TNS3: variants seen among roughly 807,000 people sequenced by gnomAD.
The protein encoded by TNS3 is tensin 3.
TNS3 carries 45 observed loss-of-function variants against 140.9 expected under a neutral mutation model. The ratio of observed to expected loss-of-function variants is 0.32; its 90% CI spans 0.25 to 0.41. The LOEUF is 0.41. TNS3 is among the 10% of genes least tolerant of loss of function. The pLI is 1.00. For missense variants in TNS3, 1,716 were observed against 1,906.7 expected (o/e 0.90, Z 1.86); for synonymous variants, 815 against 788.4 (o/e 1.03, Z -0.56).
intron 20 of TNS3, among the ~76,000 whole-genome samples, chr7:47,340,117 T>A (rs7786919): frequency 5.6e-3 from 143 of 25,568 alleles, no homozygotes; most frequent in South Asian, 8.9e-3. Context: ...ATATATATAT[T>A]TTTTTTTTTT....
At chr7:47,483,779 C>T (rs1797512473) in intron 3 of TNS3, among the ~76,000 whole-genome samples, 1 of 152,236 alleles carries the variant, frequency 6.6e-6, no homozygotes, top group Non-Finnish European at 1.5e-5. Flanking sequence ...CGAGTCCCAT[C>T]TCACCCCAGA....
At chr7:47,399,207 C>A (rs1793013027) in intron 15 of TNS3, among the ~76,000 whole-genome samples, 1 of 151,880 alleles carries the variant, frequency 6.6e-6, no homozygotes, top group East Asian at 1.9e-4. Flanking sequence ...ACATCCCATG[C>A]TCATGGATTG....
intron 16 of TNS3, among the ~76,000 whole-genome samples, chr7:47,376,712 A>G (rs1791404827): frequency 1.3e-5 from 1 of 79,254 alleles, no homozygotes; most frequent in African/African-American, 3.7e-5. Flanking sequence ...TCACAGATCA[A>G]CTATCTAGAT....
chr7:47,494,968 A>C (rs567291137), intron 3 of TNS3, among the ~76,000 whole-genome samples: 1 of 152,268 alleles, frequency 6.6e-6, no homozygotes, highest in Non-Finnish European at 1.5e-5. Context: ...GCTGAAAAAA[A>C]GAAGAAATGG....
chr7:47,546,685 G>T (rs1275690789), intron 1 of TNS3, among the ~76,000 whole-genome samples: 2 of 152,144 alleles, frequency 1.3e-5, no homozygotes, highest in Non-Finnish European at 2.9e-5. Context: ...GAAAAAGGCA[G>T]TTCAAGTCCC....
intron 6 of TNS3, among the ~76,000 whole-genome samples, chr7:47,437,799 A>C (rs1795261267): frequency 7.6e-6 from 1 of 131,012 alleles, no homozygotes; most frequent in Admixed American, 7.8e-5. Context: ...TAAAATATAT[A>C]ATATAAAATA....
rs553418328 is a variant in TNS3 at position 47,344,395 on chromosome 7, C to T, written c.2650+360G>A. Among the ~76,000 whole-genome samples, 5 of 152,114 alleles carry T rather than the reference C, an allele frequency of 3.3e-5. No individual in the cohort carries two copies. In the South Asian group the frequency reaches 1.0e-3, roughly 32 times the overall value. ...GGCAGCTGGGGTGGCAGAGCTGGGG[C>T]GCCCGTGCGGCACAATCCCCACAGA... On this transcript the variant is annotated intron_variant, in intron 20 of 30. Coordinates refer to ENST00000311160, the MANE Select transcript of TNS3 (RefSeq NM_022748.12).
At chr7:47,534,801 A>C (rs1410400111) in intron 1 of TNS3, among the ~76,000 whole-genome samples, 1 of 152,192 alleles carries the variant, frequency 6.6e-6, no homozygotes, top group Non-Finnish European at 1.5e-5. Context: ...GATGCTGCTA[A>C]TTATGCAGTT....
At chr7:47,540,893 GC>G (rs1279781670) in intron 1 of TNS3, among the ~76,000 whole-genome samples, 1 of 152,140 alleles carries the variant, frequency 6.6e-6, no homozygotes, top group Non-Finnish European at 1.5e-5. Flanking sequence ...AAGGAAGGAG[GC>G]CCCAGTACCG....
rs116928833 is a variant in TNS3, at chr7:47,504,778, T to C, written c.-115+2129A>G. 3.9e-5 allele frequency among the ~76,000 whole-genome samples: 6 copies of C among 152,262 alleles called. No individual in the cohort carries two copies. In the East Asian group the frequency reaches 9.7e-4, roughly 25 times the overall value. On this transcript the variant is annotated intron_variant, in intron 3 of 30. Transcript: ENST00000311160. Reference sequence around the variant, plus strand: ...ATCCCCAACAACGACGGCATTATATTTTTGGAATGAGAAGGTGCTTTGTTA... The same window carrying C: ...ATCCCCAACAACGACGGCATTATATCTTTGGAATGAGAAGGTGCTTTGTTA...
In TNS3 at chr7:47,324,092, T is replaced by C. The variant is rs190343982; in HGVS notation, c.2651-19089A>G. Among the ~76,000 whole-genome samples the C allele has an allele frequency of 2.6e-3, 402 of 152,348 alleles. 1 individual carries two copies. Among genetic ancestry groups the C allele is most frequent in the African/African-American group, 8.9e-3 (371 of 41,582 alleles). On this transcript the variant is annotated intron_variant, in intron 20 of 30. Coordinates refer to ENST00000311160, the MANE Select transcript of TNS3 (RefSeq NM_022748.12). ...AGCTCTATTTATGAGGCAGCTCCTC[T>C]TTCCCCTCCTGACCTGGCTGCCTGT...
At chr7:47,301,976 C>T (rs1786426572) in intron 23 of TNS3, among the ~76,000 whole-genome samples, 1 of 152,242 alleles carries the variant, frequency 6.6e-6, no homozygotes, top group Non-Finnish European at 1.5e-5. Flanking sequence ...TCACCAACTC[C>T]CTCATTAGTA....
At chr7:47,362,093 G>A (rs992648743) in intron 17 of TNS3, among the ~76,000 whole-genome samples, 3 of 152,128 alleles carry the variant, frequency 2.0e-5, no homozygotes, top group Admixed American at 2.0e-4. Context: ...AGAGTGGGGC[G>A]GGGACAATGA....
intron 4 of TNS3, among the ~76,000 whole-genome samples, chr7:47,478,875 A>G (rs1361030305): frequency 6.6e-6 from 1 of 152,062 alleles, no homozygotes; most frequent in South Asian, 2.1e-4. Context: ...ATCCATATAC[A>G]TGTAACAACT....
At chr7:47,406,293 G>A (rs957103671) in intron 13 of TNS3, among the ~76,000 whole-genome samples, 8 of 152,174 alleles carry the variant, frequency 5.3e-5, no homozygotes, top group African/African-American at 1.4e-4. Flanking sequence ...GTGGGTCAAG[G>A]TCAGCTTTGC....
chr7:47,405,593 G>T, intron 13 of TNS3: 1 of 702,968 alleles, frequency 1.4e-6, no homozygotes, highest in Non-Finnish European at 2.6e-6. Context: ...AATATTGGCT[G>T]CAAACGAAAA....
chr7:47,354,034 A>ACACACAC (rs1562627682), intron 17 of TNS3, among the ~76,000 whole-genome samples: 77 of 126,734 alleles, frequency 6.1e-4, no homozygotes, highest in African/African-American at 2.3e-3. Context: ...CACACACACA[A>ACACACAC]ATTCCAAGGT....
intron 17 of TNS3, 74 bp downstream of exon 17, chr7:47,368,291 G>T: frequency 7.4e-7 from 1 of 1,356,898 alleles, no homozygotes; most frequent in Non-Finnish European, 9.6e-7. Flanking sequence ...AACCTACTAG[G>T]CTGATTTCTC....
At chr7:47,449,550 A>G (rs1795916617) in intron 4 of TNS3, among the ~76,000 whole-genome samples, 1 of 151,414 alleles carries the variant, frequency 6.6e-6, no homozygotes, top group Non-Finnish European at 1.5e-5. Flanking sequence ...GCATAATCTG[A>G]TCTCCCTACC....
Sources: gnomAD v4.1 joint callset for allele counts (sites outside exome capture counted in the v4.1 genomes callset) on GRCh38, gnomAD v4.1.1 for gene constraint, MANE v1.5 for transcripts, NCBI Gene and HGNC (gene_info 2026-07-23, HGNC 2026-07-21) for gene names.